IL1R2: variants seen among roughly 807,000 people sequenced by gnomAD.
IL1R2 encodes interleukin 1 receptor type 2, also known as interleukin-1 receptor type 2.
IL1R2 carries 46 observed loss-of-function variants against 39.5 expected under a neutral mutation model. The observed-to-expected ratio is 1.16, with a 90% confidence interval of 0.92 to 1.49. The LOEUF is 1.49. Ranked by LOEUF, IL1R2 falls within the 40% of genes most tolerant of loss-of-function variation. The pLI, the probability that IL1R2 is intolerant of heterozygous loss-of-function variation, is 0.00. For synonymous variants in IL1R2, 207 were observed against 189.6 expected, an observed-to-expected ratio of 1.09 and a Z score of -0.75; for missense variants, 537 against 502.0, an observed-to-expected ratio of 1.07 and a Z score of -0.67.
intron 1 of IL1R2, among the ~76,000 whole-genome samples, chr2:102,004,623 A>G (rs1676153420): frequency 6.6e-6 from 1 of 151,892 alleles, no homozygotes; most frequent in South Asian, 2.1e-4. Context: ...TGATTTAAAA[A>G]CTCATTTAAA....
At chr2:102,022,545 T>A (rs192322032) in intron 6 of IL1R2, among the ~76,000 whole-genome samples, 32 of 152,358 alleles carry the variant, frequency 2.1e-4, no homozygotes, top group African/African-American at 7.0e-4. Context: ...GCAGCAGTTA[T>A]CAACTGCATG....
At position 102,024,660 on chromosome 2, in the gene IL1R2, G is replaced by T. The variant is rs549283341; in HGVS notation, c.879G>T (p.Gly293=). The change falls in exon 7 of 9, where the codon GGG becomes GGT. Residue 293 remains glycine (G), a synonymous_variant. Transcript: ENST00000332549. ...ACCCGGGAGGCCGCGTGACCGAGGG[G>T]CCACGCCAGTAAGTGGGCCAGGGTC... ...SAYPGGRVTE[G]PRQEYSENNE... 1 of 1,614,138 alleles carries T rather than the reference G, an allele frequency of 6.2e-7. No homozygotes were observed. Among genetic ancestry groups the T allele is most frequent in the South Asian group, 1.1e-5 (1 of 91,082 alleles).
Position 102,026,149 on chromosome 2 carries a change from C to T in IL1R2, c.926C>T (p.Pro309Leu), listed in dbSNP as rs139885028. ...AATAATGAGAACTACATTGAAGTGC[C>T]ATTGATTTTTGATCCTGTCACAAGA... Reference protein sequence around the residue: ...SENNENYIEVPLIFDPVTRED... With the variant: ...SENNENYIEVLLIFDPVTRED... The change falls in exon 8 of 9, where the codon CCA becomes CTA. Residue 309 changes from proline (P) to leucine (L), a missense_variant. Physicochemically the swap from Pro to Leu is moderately conservative, Grantham distance 98 (BLOSUM62 -3). Coordinates refer to ENST00000332549, the MANE Select transcript of IL1R2 (RefSeq NM_004633.4). The T allele has an allele frequency of 3.5e-5, 57 of 1,609,350 alleles. No homozygotes were observed. The highest frequency in any genetic ancestry group is 4.7e-5 in the Non-Finnish European group (55 of 1,176,520).
At chr2:102,005,489 A>G (rs964337644) in intron 1 of IL1R2, among the ~76,000 whole-genome samples, 2 of 152,204 alleles carry the variant, frequency 1.3e-5, no homozygotes, top group Non-Finnish European at 2.9e-5. Context: ...TAAAAAAGGT[A>G]GTCCAGGGTG....
intron 4 of IL1R2, chr2:102,016,606 C>T (rs1188812671): frequency 6.5e-6 from 1 of 152,674 alleles, no homozygotes; most frequent in African/African-American, 2.4e-5. Context: ...GAGGCTCTAC[C>T]ATCTAGGCCT....
At chr2:102,007,682 A>G (rs1405358651) in intron 1 of IL1R2, among the ~76,000 whole-genome samples, 1 of 152,210 alleles carries the variant, frequency 6.6e-6, no homozygotes, top group Non-Finnish European at 1.5e-5. Flanking sequence ...GGGCTTCAAT[A>G]TGTAAAGTTT....
intron 1 of IL1R2, among the ~76,000 whole-genome samples, chr2:102,001,158 T>C (rs1321639596): frequency 6.6e-6 from 1 of 152,212 alleles, no homozygotes; most frequent in African/African-American, 2.4e-5. Flanking sequence ...GGAATGTTGA[T>C]ACAGGATTTG....
intron 4 of IL1R2, among the ~76,000 whole-genome samples, chr2:102,017,279 C>G (rs1222508912): frequency 6.6e-6 from 1 of 151,736 alleles, no homozygotes; most frequent in Non-Finnish European, 1.5e-5. Context: ...TGCCAGTAAT[C>G]CTGGTGACTC....
At position 102,008,595 on chromosome 2, in the gene IL1R2, T is replaced by C; in HGVS notation, c.20T>C (p.Leu7Ser). The change falls in exon 2 of 9, where the codon TTG becomes TCG. Residue 7 changes from leucine (L) to serine (S), a missense_variant. Physicochemically the swap from Leu to Ser is moderately radical, Grantham distance 145 (BLOSUM62 -2). Transcript: ENST00000332549. MLRLYV[L>S]VMGVSAFTLQ... ...GGAGCAATGTTGCGCTTGTACGTGT[T>C]GGTAATGGGAGTTTCTGCCTTCACC... 6.2e-7 allele frequency: 1 copy of C among 1,614,076 alleles called. No individual in the cohort carries two copies. The highest frequency in any genetic ancestry group is 2.2e-5 in the East Asian group (1 of 44,882).
chr2:102,016,848 C>A (rs1023891975), intron 4 of IL1R2, among the ~76,000 whole-genome samples: 1 of 152,098 alleles, frequency 6.6e-6, no homozygotes, highest in Non-Finnish European at 1.5e-5. Context: ...GTTTTGGCAC[C>A]TGTGGGGAAT....
At chr2:102,019,233 C>T (rs1036110034) in intron 4 of IL1R2, among the ~76,000 whole-genome samples, 3 of 152,182 alleles carry the variant, frequency 2.0e-5, no homozygotes, top group African/African-American at 4.8e-5. Context: ...ATTACTGCAA[C>T]GTCATCTCTT....
chr2:101,993,837 T>C (rs1438731298), intron 1 of IL1R2, among the ~76,000 whole-genome samples: 1 of 152,104 alleles, frequency 6.6e-6, no homozygotes, highest in Non-Finnish European at 1.5e-5. Flanking sequence ...TTGCCCTGAG[T>C]TCTCTCTTGT....
At chr2:102,005,716 C>T (rs545737424) in intron 1 of IL1R2, among the ~76,000 whole-genome samples, 31 of 152,314 alleles carry the variant, frequency 2.0e-4, no homozygotes, top group African/African-American at 6.7e-4. Context: ...GTCACATGGC[C>T]ACTCCTTGTT....
intron 5 of IL1R2, among the ~76,000 whole-genome samples, chr2:102,021,305 C>CTTTTTTTTTTTTTTTTT (rs546019141): frequency 8.1e-6 from 1 of 122,854 alleles, no homozygotes; most frequent in African/African-American, 3.1e-5. Flanking sequence ...CTTTTCTTTT[C>CTTTTTTTTTTTTTTTTT]TTTTTTTTTT....
At chr2:102,006,894 C>A (rs1676300704) in intron 1 of IL1R2, among the ~76,000 whole-genome samples, 1 of 152,214 alleles carries the variant, frequency 6.6e-6, no homozygotes, top group Non-Finnish European at 1.5e-5. Flanking sequence ...CTCGTGTGTG[C>A]TTTTGGCCGC....
intron 8 of IL1R2, 72 bp from the exon 9 acceptor site, chr2:102,028,154 A>T: frequency 4.7e-6 from 6 of 1,269,650 alleles, no homozygotes; most frequent in Non-Finnish European, 4.2e-6. Flanking sequence ...TATCTTGTAC[A>T]CCTGCATTGC....
intron 6 of IL1R2, among the ~76,000 whole-genome samples, chr2:102,023,060 T>C (rs1677500220): frequency 6.6e-6 from 1 of 152,266 alleles, no homozygotes; most frequent in Admixed American, 6.5e-5. Flanking sequence ...TCTGTGTGCC[T>C]ATAAAACCTG....
chr2:102,010,042 C>A (rs1676524174), intron 3 of IL1R2: 2 of 588,174 alleles, frequency 3.4e-6, no homozygotes, highest in Non-Finnish European at 5.9e-6. Context: ...TCTTTGGAGA[C>A]AACGTCCCTA....
At position 102,028,336 on chromosome 2, in the gene IL1R2, G is replaced by C. The variant is rs554415532; in HGVS notation, c.1141G>C (p.Asp381His). ...RRCKHRTGKA[D>H]GLTVLWPHHQ... ...GTGCAAACACAGAACTGGAAAAGCA[G>C]ATGGTCTGACTGTGCTATGGCCTCA... Residue 381 changes from aspartate to histidine, a missense_variant, in exon 9 of 9, where the codon GAT becomes CAT. Coordinates refer to ENST00000332549, the MANE Select transcript of IL1R2 (RefSeq NM_004633.4). 17 of 1,611,218 alleles carry C rather than the reference G, an allele frequency of 1.1e-5. No individual in the cohort carries two copies. Among genetic ancestry groups the C allele is most frequent in the Middle Eastern group, 1.6e-4 (1 of 6,062 alleles).
Sources: gnomAD v4.1 joint callset for allele counts (sites outside exome capture counted in the v4.1 genomes callset) on GRCh38, gnomAD v4.1.1 for gene constraint, MANE v1.5 for transcripts, NCBI Gene and HGNC (gene_info 2026-07-23, HGNC 2026-07-21) for gene names.